EBAG9: variants seen among roughly 807,000 people sequenced by gnomAD.
EBAG9 encodes receptor-binding cancer antigen expressed on SiSo cells.
In EBAG9, 16 loss-of-function variants were observed where a neutral mutation model predicts 30.9. The ratio of observed to expected loss-of-function variants is 0.52; its 90% confidence interval spans 0.35 to 0.79. The LOEUF (loss-of-function observed/expected upper bound fraction) is 0.79, where lower values mean the gene tolerates loss of function less well. EBAG9 is among the 30% of genes least tolerant of loss of function. The pLI, the probability that EBAG9 is intolerant of heterozygous loss-of-function variation, is 0.01. For missense variants in EBAG9, 197 were observed against 242.1 expected, an observed-to-expected ratio of 0.81 and a Z score of 1.24; for synonymous variants, 93 against 82.8, an observed-to-expected ratio of 1.12 and a Z score of -0.67.
chr8:109,562,082 CT>C (rs1318944310), intron 6 of EBAG9, among the ~76,000 whole-genome samples: 1 of 151,952 alleles, frequency 6.6e-6, no homozygotes, highest in East Asian at 1.9e-4. Flanking sequence ...TAAATCATCT[CT>C]TTAAAATTCT....
At chr8:109,545,495 G>GC (rs768615304) in intron 1 of EBAG9, among the ~76,000 whole-genome samples, 1 of 151,138 alleles carries the variant, frequency 6.6e-6, no homozygotes, top group Non-Finnish European at 1.5e-5. Flanking sequence ...CTCCTGAGTA[G>GC]CTGGAACTAC....
At chr8:109,552,574 T>C (rs1821515584) in intron 2 of EBAG9, among the ~76,000 whole-genome samples, 1 of 152,250 alleles carries the variant, frequency 6.6e-6, no homozygotes, top group South Asian at 2.1e-4. Flanking sequence ...GATGTTTTCT[T>C]CTTATACTTC....
At chr8:109,545,508 G>T (rs866524596) in intron 1 of EBAG9, among the ~76,000 whole-genome samples, 30 of 151,512 alleles carry the variant, frequency 2.0e-4, no homozygotes, top group African/African-American at 7.0e-4. Context: ...GGAACTACAG[G>T]CATGTGCCAC....
chr8:109,562,416 C>T (rs546716781), intron 6 of EBAG9, among the ~76,000 whole-genome samples: 6 of 152,126 alleles, frequency 3.9e-5, no homozygotes, highest in South Asian at 2.1e-4. Context: ...TGCTTCATGC[C>T]GCAAGTACAT....
chr8:109,554,672 TGATGTGTTCATTAA>T, intron 3 of EBAG9, 43 bp from the exon 4 acceptor site: 2 of 1,539,564 alleles, frequency 1.3e-6, no homozygotes, highest in Non-Finnish European at 1.8e-6. Flanking sequence ...AAATCATCAA[TGATGTGTTCATTAA>T]GTTGCCCCTT....
chr8:109,558,213 T>C (rs1271481324), intron 5 of EBAG9, among the ~76,000 whole-genome samples: 1 of 152,174 alleles, frequency 6.6e-6, no homozygotes, highest in Non-Finnish European at 1.5e-5. Context: ...TATGTATGTT[T>C]TTAATTCATT....
chr8:109,561,217 A>T (rs559685620), intron 6 of EBAG9, among the ~76,000 whole-genome samples: 178 of 149,304 alleles, frequency 1.2e-3, no homozygotes, highest in Non-Finnish European at 1.9e-3. Flanking sequence ...TATATGTTTT[A>T]TATATATATA....
rs776227584 is a variant in EBAG9 at position 109,564,436 on chromosome 8, C to T, written c.522-3C>T. On this transcript the variant is annotated splice_polypyrimidine_tract_variant and splice_region_variant and intron_variant, in intron 6 of 6. Transcript: ENST00000337573. ...CTAAAAGTAAAAGTATGTTTCTTTTCAGACAGCAGAAACTAGCAGACAGAG... is the reference window on the plus strand; with the variant it reads ...CTAAAAGTAAAAGTATGTTTCTTTTTAGACAGCAGAAACTAGCAGACAGAG... 2.2e-5 allele frequency: 35 copies of T among 1,610,154 alleles called. No homozygotes were observed. Among genetic ancestry groups the T allele is most frequent in the Middle Eastern group, 1.7e-4 (1 of 6,040 alleles).
Position 109,557,386 on chromosome 8 carries a change from G to C in EBAG9, c.429+344G>C, listed in dbSNP as rs763996795. 1.3e-5 allele frequency among the ~76,000 whole-genome samples: 2 copies of C among 152,176 alleles called. 1 individual carries two copies. Among genetic ancestry groups the C allele is most frequent in the Non-Finnish European group, 2.9e-5 (2 of 68,010 alleles). ...AGTTATGAATTGTTTTCTTCATAGA[G>C]TGTATTTTCATTCAAAGTATGACTT... On this transcript the variant is annotated intron_variant, in intron 5 of 6. Transcript: ENST00000337573.
At chr8:109,550,988 C>A (rs771613794) in intron 2 of EBAG9, 81 bp downstream of exon 2, 32 of 878,156 alleles carry the variant, frequency 3.6e-5, no homozygotes, top group Non-Finnish European at 5.7e-5. Context: ...ATTTCGTGGA[C>A]AGGACAGGTT....
In EBAG9 at chr8:109,565,752, A is replaced by G. The variant is rs1821813632; in HGVS notation, c.*1193A>G. ...AATCAACATTCGGTGAGATTTTGAA[A>G]TGTCATAGATACTGTACAGGCCAAA... On this transcript the variant is annotated 3_prime_UTR_variant, in exon 7 of 7. Transcript: ENST00000337573. 1 of 152,078 alleles carries G rather than the reference A, an allele frequency of 6.6e-6. No homozygotes were observed. Among genetic ancestry groups the G allele is most frequent in the African/African-American group, 2.4e-5 (1 of 41,428 alleles). The allele number at this position is 152,078 out of a possible 1,614,324, so 9.4% of individuals were successfully genotyped here.
At chr8:109,548,052 A>C (rs1229955768) in intron 1 of EBAG9, among the ~76,000 whole-genome samples, 1 of 151,944 alleles carries the variant, frequency 6.6e-6, no homozygotes, top group East Asian at 1.9e-4. Flanking sequence ...ACTACCTAAA[A>C]ATCTTTGCCT....
Position 109,565,534 on chromosome 8 carries a change from T to C in EBAG9, c.*975T>C, listed in dbSNP as rs538844385. 2.6e-5 allele frequency: 4 copies of C among 152,222 alleles called. No individual in the cohort carries two copies. The highest frequency in any genetic ancestry group is 3.4e-3 in the Middle Eastern group (1 of 294). The allele number at this position is 152,222 out of a possible 1,614,324, so 9.4% of individuals were successfully genotyped here. A position where few individuals can be genotyped will look rare whatever the true frequency, so the allele number is the denominator to read the frequency against. On this transcript the variant is annotated 3_prime_UTR_variant, in exon 7 of 7. Transcript: ENST00000337573. ...CATTAAATCATAAAGGTGGGAATAA[T>C]AATCTTTTATTTATGATGTTGATTG...
At chr8:109,542,449 A>G (rs778449381) in intron 1 of EBAG9, among the ~76,000 whole-genome samples, 7 of 152,192 alleles carry the variant, frequency 4.6e-5, no homozygotes, top group African/African-American at 1.2e-4. Context: ...TTATTCATGT[A>G]TATCCTAAAA....
In EBAG9 at chr8:109,551,035, C is replaced by A. The variant is rs1821483384; in HGVS notation, c.83+128C>A. On this transcript the variant is annotated intron_variant, in intron 2 of 6. Transcript: ENST00000337573. Reference sequence around the variant, plus strand: ...GAATATCTTGATTGCAGTATTTATTCATTAATTCCTAGTCATTTTTAGATA... The same window carrying A: ...GAATATCTTGATTGCAGTATTTATTAATTAATTCCTAGTCATTTTTAGATA... 1.7e-5 allele frequency: 10 copies of A among 602,518 alleles called. No individual in the cohort carries two copies. In the South Asian group the frequency reaches 1.9e-4, roughly 11 times the overall value. The allele number at this position is 602,518 out of a possible 1,614,324, so 37.3% of individuals were successfully genotyped here.
intron 4 of EBAG9, 141 bp from the exon 5 acceptor site, chr8:109,556,794 A>G (rs1216824717): frequency 7.1e-6 from 3 of 423,790 alleles, no homozygotes; most frequent in Non-Finnish European, 1.2e-5. Flanking sequence ...GGAAATTGGT[A>G]TTTACAGACT....
chr8:109,559,277 C>T (rs957895925), intron 5 of EBAG9, among the ~76,000 whole-genome samples: 1 of 151,888 alleles, frequency 6.6e-6, no homozygotes, highest in African/African-American at 2.4e-5. Context: ...GGCAACATGG[C>T]GAAATCCCCC....
intron 6 of EBAG9, among the ~76,000 whole-genome samples, chr8:109,562,287 T>G (rs1409760166): frequency 1.3e-5 from 2 of 152,082 alleles, no homozygotes; most frequent in East Asian, 1.9e-4. Flanking sequence ...AAACCTTTTC[T>G]TTTTCATTCT....
intron 1 of EBAG9, among the ~76,000 whole-genome samples, chr8:109,541,605 C>T (rs1365679425): frequency 6.6e-6 from 1 of 152,188 alleles, no homozygotes; most frequent in Non-Finnish European, 1.5e-5. Context: ...CCGGCTTTGA[C>T]TGAGACCTAT....
Sources: gnomAD v4.1 joint callset for allele counts (sites outside exome capture counted in the v4.1 genomes callset) on GRCh38, gnomAD v4.1.1 for gene constraint, MANE v1.5 for transcripts, NCBI Gene and HGNC (gene_info 2026-07-23, HGNC 2026-07-21) for gene names.